The following DPP6 variants were observed in gnomAD, a reference collection of about 807,000 sequenced individuals.
DPP6 encodes the protein A-type potassium channel modulatory protein DPP6.
A neutral mutation model predicts 122.6 loss-of-function variants in DPP6; 69 were observed. The ratio of observed to expected loss-of-function variants is 0.56; its 90% CI spans 0.46 to 0.69. DPP6 has a LOEUF of 0.69. Ranked by LOEUF, DPP6 falls within the 30% of genes least tolerant of loss-of-function variation. The pLI is 0.00. For missense variants in DPP6, 928 were observed against 1,116.9 expected (o/e 0.83, Z 2.41); for synonymous variants, 418 against 433.1 (o/e 0.97, Z 0.43).
chr7:154,749,563 G>A (rs1164386778), intron 8 of DPP6, among the ~76,000 whole-genome samples: 18 of 133,470 alleles, frequency 1.3e-4, no homozygotes, highest in African/African-American at 2.3e-4. Context: ...AGGCTTTACT[G>A]AGAGATGGTC....
At chr7:154,824,258 G>T in intron 16 of DPP6, among the ~76,000 whole-genome samples, 1 of 53,756 alleles carries the variant, frequency 1.9e-5, no homozygotes, top group Non-Finnish European at 4.9e-5. Context: ...TTTTGTTGTT[G>T]TTGTTGTTGT....
intron 1 of DPP6, among the ~76,000 whole-genome samples, chr7:154,402,243 A>T (rs1815682716): frequency 6.6e-6 from 1 of 152,068 alleles, no homozygotes; most frequent in Admixed American, 6.5e-5. Context: ...CCATCCCATT[A>T]CTGGGTATAT....
rs564653504 is a variant in DPP6, at chr7:154,093,204, TACC to T, written c.243+40144_243+40146del. Among the ~76,000 whole-genome samples the T allele has an allele frequency of 9.3e-4, 136 of 145,484 alleles. 1 individual carries two copies. Among genetic ancestry groups the T allele is most frequent in the African/African-American group, 3.5e-3 (134 of 37,808 alleles). On this transcript the variant is annotated intron_variant, in intron 1 of 25. Transcript: ENST00000377770. ...TACACCACATGCCACACAACTTACA[TACC>T]ACATCATACACATCATACACACGAC...
At chr7:154,467,114 A>C (rs918253843) in intron 2 of DPP6, among the ~76,000 whole-genome samples, 1 of 152,200 alleles carries the variant, frequency 6.6e-6, no homozygotes, top group African/African-American at 2.4e-5. Context: ...TTCTAAATTC[A>C]GTTGGGGAAA....
intron 7 of DPP6, among the ~76,000 whole-genome samples, chr7:154,694,195 G>A (rs55968455): frequency 0.13 from 19,924 of 152,084 alleles, 1,819 homozygotes; most frequent in African/African-American, 0.26. Flanking sequence ...ATTCGTGAGC[G>A]TTCTCCCCTC....
intron 1 of DPP6, among the ~76,000 whole-genome samples, chr7:154,021,749 GT>G (rs1798709638): frequency 6.6e-6 from 1 of 152,144 alleles, no homozygotes; most frequent in Non-Finnish European, 1.5e-5. Context: ...GTGAAGTGCT[GT>G]GTGCATTCAG....
chr7:153,962,137 A>G (rs1226682526), intron 1 of DPP6, among the ~76,000 whole-genome samples: 2 of 151,850 alleles, frequency 1.3e-5, no homozygotes, highest in Non-Finnish European at 2.9e-5. Flanking sequence ...ATGCTTCTCC[A>G]GAAGACTTTA....
chr7:153,837,651 A>G, the DPP6 span, among the ~76,000 whole-genome samples: 1 of 152,032 alleles, frequency 6.6e-6, no homozygotes, highest in Non-Finnish European at 1.5e-5. Flanking sequence ...GTAACATCAA[A>G]TAACAATGCC....
intron 1 of DPP6, among the ~76,000 whole-genome samples, chr7:154,409,685 T>C (rs1292562513): frequency 1.3e-5 from 2 of 152,242 alleles, no homozygotes; most frequent in African/African-American, 2.4e-5. Flanking sequence ...AGGTTTGTTT[T>C]GTTTTTTCCT....
chr7:154,668,981 G>C (rs1838373270), intron 6 of DPP6, among the ~76,000 whole-genome samples: 1 of 152,118 alleles, frequency 6.6e-6, no homozygotes, highest in African/African-American at 2.4e-5. Flanking sequence ...TTATCTTCTA[G>C]GAGAACCAAA....
intron 1 of DPP6, among the ~76,000 whole-genome samples, chr7:153,985,127 G>A (rs1796777259): frequency 6.6e-6 from 1 of 152,230 alleles, no homozygotes; most frequent in South Asian, 2.1e-4. Context: ...CCCATGTGAT[G>A]TGTCTTTCTA....
intron 1 of DPP6, among the ~76,000 whole-genome samples, chr7:154,372,250 C>T (rs1255788389): frequency 1.3e-5 from 2 of 152,156 alleles, no homozygotes; most frequent in Non-Finnish European, 2.9e-5. Flanking sequence ...ATGCATGAAG[C>T]GTAACACAGG....
chr7:154,109,438 C>G (rs973563564), intron 1 of DPP6, among the ~76,000 whole-genome samples: 7 of 151,840 alleles, frequency 4.6e-5, no homozygotes, highest in African/African-American at 1.7e-4. Context: ...TTATGGGGCA[C>G]CCACCACCAT....
the DPP6 span, among the ~76,000 whole-genome samples, chr7:153,831,661 A>G: frequency 1.3e-5 from 2 of 152,244 alleles, no homozygotes; most frequent in East Asian, 1.9e-4. Flanking sequence ...TACATTTCAT[A>G]TAATTTTTTG....
intron 1 of DPP6, among the ~76,000 whole-genome samples, chr7:153,972,202 C>T (rs1475500440): frequency 6.6e-6 from 1 of 150,906 alleles, no homozygotes; most frequent in Admixed American, 6.6e-5. Context: ...CAGATGTGCT[C>T]TAGGAGGAGT....
At chr7:154,353,632 G>A in intron 1 of DPP6, among the ~76,000 whole-genome samples, 1 of 152,042 alleles carries the variant, frequency 6.6e-6, no homozygotes, top group Non-Finnish European at 1.5e-5. Flanking sequence ...AAACATACTA[G>A]ACATCTAGCC....
chr7:154,521,120 G>A (rs1826939828), intron 3 of DPP6, among the ~76,000 whole-genome samples: 1 of 152,098 alleles, frequency 6.6e-6, no homozygotes. Context: ...CTAATCATAA[G>A]AATCCTTAAC....
intron 1 of DPP6, among the ~76,000 whole-genome samples, chr7:154,160,304 A>G (rs1028455525): frequency 1.3e-5 from 2 of 152,150 alleles, no homozygotes; most frequent in African/African-American, 4.8e-5. Context: ...CCTCAAGGAT[A>G]AACACTAACT....
upstream of DPP6, among the ~76,000 whole-genome samples, chr7:153,886,429 T>C (rs1798916737): frequency 6.6e-6 from 1 of 150,884 alleles, no homozygotes; most frequent in Non-Finnish European, 1.5e-5. Context: ...GTGCTGGGGT[T>C]CCAGGGTAGG....
Sources: gnomAD v4.1 joint callset for allele counts (sites outside exome capture counted in the v4.1 genomes callset) on GRCh38, gnomAD v4.1.1 for gene constraint, MANE v1.5 for transcripts, NCBI Gene and HGNC (gene_info 2026-07-23, HGNC 2026-07-21) for gene names.